TMEM52B: variants seen among roughly 807,000 people sequenced by gnomAD.
The protein encoded by TMEM52B is transmembrane protein 52B.
In TMEM52B, 11 loss-of-function variants were observed where a neutral mutation model predicts 16.1. That is an observed-to-expected ratio of 0.68 (90% CI 0.43 to 1.13). TMEM52B has a LOEUF of 1.13. TMEM52B is among the 50% of genes most tolerant of loss of function. The pLI is 0.00. For synonymous variants in TMEM52B, 101 were observed against 93.8 expected (o/e 1.08, Z -0.45); for missense variants, 243 against 230.4 (o/e 1.05, Z -0.35).
intron 1 of TMEM52B, among the ~76,000 whole-genome samples, chr12:10,173,671 T>A (rs1474719422): frequency 6.6e-6 from 1 of 151,586 alleles, no homozygotes; most frequent in Non-Finnish European, 1.5e-5. Context: ...TCCCAGCTAT[T>A]TGGGAGGTGG....
chr12:10,188,643 G>A (rs1284331121), intron 4 of TMEM52B, among the ~76,000 whole-genome samples: 1 of 152,086 alleles, frequency 6.6e-6, no homozygotes, highest in African/African-American at 2.4e-5. Context: ...GAGGCAGGTG[G>A]ATTATTTGAG....
chr12:10,177,587 T>C (rs959986645), upstream of TMEM52B, among the ~76,000 whole-genome samples: 1 of 151,918 alleles, frequency 6.6e-6, no homozygotes, highest in Admixed American at 6.5e-5. Context: ...CTGGCCAATA[T>C]GGTAAAACCT....
At chr12:10,185,036 A>G (rs914090497) in intron 2 of TMEM52B, among the ~76,000 whole-genome samples, 1 of 152,170 alleles carries the variant, frequency 6.6e-6, no homozygotes, top group African/African-American at 2.4e-5. Flanking sequence ...TTTATCATAA[A>G]TGTTTGCAAT....
At chr12:10,177,359 A>C (rs1278378024), upstream of TMEM52B, among the ~76,000 whole-genome samples, 1 of 152,162 alleles carries the variant, frequency 6.6e-6, no homozygotes, top group Non-Finnish European at 1.5e-5. Flanking sequence ...TCCTTAGCTG[A>C]GAACAAAACC....
chr12:10,186,619 G>A (rs201945314), intron 4 of TMEM52B, 30 bp downstream of exon 4: 7 of 1,510,332 alleles, frequency 4.6e-6, no homozygotes, highest in Non-Finnish European at 6.3e-6. Context: ...AACCTGGGAG[G>A]AGGACCCAAT....
intron 4 of TMEM52B, among the ~76,000 whole-genome samples, chr12:10,187,517 G>A (rs914738831): frequency 6.6e-6 from 1 of 152,118 alleles, no homozygotes; most frequent in Admixed American, 6.5e-5. Flanking sequence ...AGATTCTCAT[G>A]CCTCAGCCTC....
At chr12:10,177,723 T>C (rs1158466189), upstream of TMEM52B, among the ~76,000 whole-genome samples, 6 of 148,738 alleles carry the variant, frequency 4.0e-5, no homozygotes, top group East Asian at 6.1e-4. Context: ...TGAGCCGAGA[T>C]TGCACCACTG....
In TMEM52B at chr12:10,179,623, A is replaced by G. The variant is rs1037036843; in HGVS notation, c.49A>G (p.Ile17Val). Residue 17 changes from isoleucine to valine, a missense_variant, in exon 1 of 5, where the codon ATC (isoleucine) becomes GTC (valine). Ile to Val is a conservative substitution (Grantham distance 29). Coordinates refer to ENST00000543484, the MANE Select transcript of TMEM52B (RefSeq NM_001384896.1). ...VVAASALLYF[I>V]LLSGTRCEEN... The stretch of plus-strand genomic sequence containing the variant: ...GGCGGCCTCAGCCCTGCTGTATTTC[A>G]TCCTGGTGAGTTCAGTGGTGAAAAG... 15 of 1,614,212 alleles carry G rather than the reference A, an allele frequency of 9.3e-6. No individual in the cohort carries two copies. Among genetic ancestry groups the G allele is most frequent in the Non-Finnish European group, 1.2e-5 (14 of 1,180,034 alleles).
At chr12:10,187,391 T>C (rs929653919) in intron 4 of TMEM52B, among the ~76,000 whole-genome samples, 6 of 151,208 alleles carry the variant, frequency 4.0e-5, no homozygotes, top group African/African-American at 1.5e-4. Context: ...TGAGCCACCA[T>C]GCCTGGCCAA....
intron 4 of TMEM52B, among the ~76,000 whole-genome samples, chr12:10,187,256 C>T (rs946363283): frequency 4.6e-5 from 7 of 151,626 alleles, no homozygotes; most frequent in African/African-American, 1.7e-4. Flanking sequence ...GCACCTGCAC[C>T]ATGCCTGGCT....
rs918013479 is a variant in TMEM52B at position 10,191,789 on chromosome 12, G to A, written c.*1649G>A. On this transcript the variant is annotated 3_prime_UTR_variant, in exon 5 of 5. Transcript: ENST00000543484. ...TTATCAATAAATACTTGTTGATTGC[G>A]GTAAACAGCAACAGATATAAGTGAT... The A allele has an allele frequency of 6.6e-6, 1 of 152,066 alleles. No homozygotes were observed. Among genetic ancestry groups the A allele is most frequent in the Non-Finnish European group, 1.5e-5 (1 of 68,032 alleles). The allele number at this position is 152,066 out of a possible 1,614,324, so 9.4% of individuals were successfully genotyped here. A position where few individuals can be genotyped will look rare whatever the true frequency, so the allele number is the denominator to read the frequency against.
At position 10,182,562 on chromosome 12, in the gene TMEM52B, A is replaced by G; in HGVS notation, c.67A>G (p.Arg23Gly). 6.5e-7 allele frequency: 1 copy of G among 1,535,572 alleles called. No homozygotes were observed. Among genetic ancestry groups the G allele is most frequent in the South Asian group, 1.2e-5 (1 of 83,984 alleles). The part of the protein sequence containing the change: ...LLYFILLSGT[R>G]CEENCGNPEH... ...TCTCTTTCTACAGCTTTCTGGGACG[A>G]GATGTGAGGAAAACTGTGGTAATCC... is the stretch of plus-strand genomic sequence containing the variant. Residue 23 changes from arginine (R) to glycine (G), a missense_variant, in exon 2 of 5, where the codon AGA becomes GGA. Transcript: ENST00000543484.
chr12:10,186,969 G>T (rs934876317), intron 4 of TMEM52B, among the ~76,000 whole-genome samples: 2 of 152,010 alleles, frequency 1.3e-5, no homozygotes, highest in African/African-American at 4.8e-5. Flanking sequence ...TATTTTTAAA[G>T]AAATTAATGA....
chr12:10,175,191 TG>T (rs1948757267), upstream of TMEM52B: 2 of 152,228 alleles, frequency 1.3e-5, no homozygotes, highest in African/African-American at 4.8e-5. Context: ...GGAATGTATG[TG>T]ATCATCTACG....
At chr12:10,179,833 G>A (rs1380813427) in intron 1 of TMEM52B, among the ~76,000 whole-genome samples, 2 of 152,186 alleles carry the variant, frequency 1.3e-5, no homozygotes, top group Admixed American at 1.3e-4. Flanking sequence ...ACAATGAAAA[G>A]GGGGACAGAA....
intron 3 of TMEM52B, 68 bp downstream of exon 3, chr12:10,185,436 CTACT>C (rs1948868802): frequency 1.7e-6 from 2 of 1,165,822 alleles, no homozygotes; most frequent in South Asian, 1.2e-5. Context: ...GACAACCTGC[CTACT>C]TACTTAGCAT....
intron 1 of TMEM52B, chr12:10,172,234 T>C (rs532865806): frequency 1.2e-5 from 7 of 586,228 alleles, no homozygotes; most frequent in Middle Eastern, 4.4e-4. Context: ...TTGCTTCATA[T>C]TGGGAAGTTC....
chr12:10,189,016 C>CTAAAAAAA (rs1948920964), intron 4 of TMEM52B, among the ~76,000 whole-genome samples: 1 of 56,488 alleles, frequency 1.8e-5, no homozygotes, highest in African/African-American at 8.1e-5. Flanking sequence ...GACTCCGTCT[C>CTAAAAAAA]AAAAAAAAAA....
chr12:10,172,321 CTAAG>C (rs1443403616), intron 1 of TMEM52B: 9 of 393,898 alleles, frequency 2.3e-5, no homozygotes, highest in Non-Finnish European at 4.2e-5. Context: ...GGATATTTCG[CTAAG>C]TAATTTATGA....
Sources: allele counts gnomAD v4.1 joint callset (sites outside exome capture counted in the v4.1 genomes callset), GRCh38; gene constraint gnomAD v4.1.1; transcripts MANE v1.5; gene names NCBI Gene and HGNC (gene_info 2026-07-23, HGNC 2026-07-21).